Variants in GABRA4 observed in about 807,000 individuals in gnomAD.
GABRA4 encodes the protein gamma-aminobutyric acid type A receptor subunit alpha4.
GABRA4 carries 12 observed loss-of-function variants against 49.7 expected under a neutral mutation model. That is an observed-to-expected ratio of 0.24 (90% CI 0.15 to 0.39). The LOEUF (loss-of-function observed/expected upper bound fraction) is 0.39, where lower values mean the gene tolerates loss of function less well. GABRA4 is among the 10% of genes least tolerant of loss of function. GABRA4 has a pLI of 1.00. For missense variants in GABRA4, 506 were observed against 686.0 expected, an observed-to-expected ratio of 0.74 and a Z score of 2.93; for synonymous variants, 288 against 240.2, an observed-to-expected ratio of 1.20 and a Z score of -1.84.
chr4:46,985,172 T>A (rs569810948), intron 2 of GABRA4, among the ~76,000 whole-genome samples: 1 of 152,156 alleles, frequency 6.6e-6, no homozygotes, highest in South Asian at 2.1e-4. Flanking sequence ...AGATTATATA[T>A]AGCAAGTTCA....
In GABRA4 at chr4:46,927,285, A is replaced by G. The variant is rs952890242; in HGVS notation, c.*940T>C. 1 of 152,476 alleles carries G rather than the reference A, an allele frequency of 6.6e-6. No homozygotes were observed. Among genetic ancestry groups the G allele is most frequent in the Admixed American group, 6.6e-5 (1 of 15,212 alleles). 9.4% of individuals were successfully genotyped at this position (152,476 alleles called of 1,614,324 possible). A position where few individuals can be genotyped will look rare whatever the true frequency, so the allele number is the denominator to read the frequency against. On this transcript the variant is annotated 3_prime_UTR_variant, in exon 9 of 9. Coordinates refer to ENST00000264318, the MANE Select transcript of GABRA4 (RefSeq NM_000809.4). ...TACTGACATCAAAGTGGTTATGTGAACAAATATATTTGTTATCCACTATCA... is the reference window on the plus strand; with the variant it reads ...TACTGACATCAAAGTGGTTATGTGAGCAAATATATTTGTTATCCACTATCA...
chr4:46,963,526 C>T (rs531348684), intron 8 of GABRA4, among the ~76,000 whole-genome samples: 13 of 151,884 alleles, frequency 8.6e-5, no homozygotes, highest in Admixed American at 2.0e-4. Flanking sequence ...GTAAGAAGTG[C>T]CTTCCACCTC....
intron 8 of GABRA4, among the ~76,000 whole-genome samples, chr4:46,931,930 T>C (rs927857313): frequency 6.6e-6 from 1 of 152,154 alleles, no homozygotes; most frequent in Non-Finnish European, 1.5e-5. Context: ...ATCAACAGAA[T>C]CCACAGTTGA....
chr4:46,969,301 T>C (rs1722870430), intron 7 of GABRA4, among the ~76,000 whole-genome samples: 1 of 151,566 alleles, frequency 6.6e-6, no homozygotes, highest in Admixed American at 6.6e-5. Flanking sequence ...TAAAATATAA[T>C]AGAAACTTCT....
chr4:46,965,236 A>T lies in GABRA4; in HGVS notation c.875-7T>A. The T allele has an allele frequency of 7.0e-7, 1 of 1,430,956 alleles. No homozygotes were observed. The highest frequency in any genetic ancestry group is 1.7e-5 in the South Asian group (1 of 58,558). 88.6% of individuals were successfully genotyped at this position (1,430,956 alleles called of 1,614,324 possible). On this transcript the variant is annotated splice_region_variant and splice_polypyrimidine_tract_variant and intron_variant, in intron 7 of 8. Transcript: ENST00000264318. ...GTGAGGACAGTTGTTATTCCTTCAA[A>T]GCAAAAGAGCAGAGAGACAAAACAC...
intron 3 of GABRA4, 24 bp from the exon 4 acceptor site, chr4:46,977,654 A>G (rs758681538): frequency 5.2e-6 from 8 of 1,529,924 alleles, no homozygotes; most frequent in Non-Finnish European, 5.4e-6. Flanking sequence ...TTTGGAACAT[A>G]TTTAAGTTGC....
chr4:46,992,009 T>C (rs146286697), intron 2 of GABRA4, among the ~76,000 whole-genome samples: 91 of 152,286 alleles, frequency 6.0e-4, no homozygotes, highest in Middle Eastern at 3.4e-3. Flanking sequence ...AATGGGACCC[T>C]AGCAAGTCAT....
At chr4:46,965,980 C>T (rs1161215225) in intron 7 of GABRA4, among the ~76,000 whole-genome samples, 1 of 147,878 alleles carries the variant, frequency 6.8e-6, no homozygotes, top group African/African-American at 2.4e-5. Context: ...AACAGAAGTA[C>T]TTCTCCTCCA....
chr4:46,940,910 CT>C, intron 8 of GABRA4, among the ~76,000 whole-genome samples: 1 of 152,146 alleles, frequency 6.6e-6, no homozygotes, highest in African/African-American at 2.4e-5. Context: ...CAAAGTGAAA[CT>C]TTTTTTAACT....
intron 8 of GABRA4, among the ~76,000 whole-genome samples, chr4:46,930,845 A>C (rs1721405149): frequency 3.3e-5 from 5 of 152,072 alleles, no homozygotes; most frequent in Middle Eastern, 3.4e-3. Context: ...GCAAAAAAAA[A>C]ACCTGTTGTT....
chr4:46,936,398 T>G (rs1721604854), intron 8 of GABRA4, among the ~76,000 whole-genome samples: 1 of 152,158 alleles, frequency 6.6e-6, no homozygotes, highest in African/African-American at 2.4e-5. Context: ...TACGGGCATG[T>G]GCCACCACAC....
At position 46,927,104 on chromosome 4, in the gene GABRA4, T is replaced by C. The variant is rs538227369; in HGVS notation, c.*1121A>G. 1.5e-4 allele frequency: 23 copies of C among 152,112 alleles called. No homozygotes were observed. Among genetic ancestry groups the C allele is most frequent in the Admixed American group, 1.2e-3 (19 of 15,250 alleles). The allele number at this position is 152,112 out of a possible 1,614,324, so 9.4% of individuals were successfully genotyped here. A position where few individuals can be genotyped will look rare whatever the true frequency, so the allele number is the denominator to read the frequency against. ...ATGTCTGATGATTCTGTGATTCTGA[T>C]CAAATTCTACTCTGTGACTCTGATC... On this transcript the variant is annotated 3_prime_UTR_variant, in exon 9 of 9. Coordinates refer to ENST00000264318, the MANE Select transcript of GABRA4 (RefSeq NM_000809.4).
rs147777852 is a variant in GABRA4 at position 46,926,951 on chromosome 4, A to T, written c.*1274T>A. 1.1e-4 allele frequency: 17 copies of T among 151,972 alleles called. No homozygotes were observed. Among genetic ancestry groups the T allele is most frequent in the Admixed American group, 2.0e-4 (3 of 15,200 alleles). 9.4% of individuals were successfully genotyped at this position (151,972 alleles called of 1,614,324 possible). A position where few individuals can be genotyped will look rare whatever the true frequency, so the allele number is the denominator to read the frequency against. On this transcript the variant is annotated 3_prime_UTR_variant, in exon 9 of 9. Transcript: ENST00000264318. ...TAAACCTTAAAAAAACTCCCAAAAA[A>T]ACCAACATGATGACTGCCCAGAATT...
At chr4:46,950,500 C>T (rs576161424) in intron 8 of GABRA4, among the ~76,000 whole-genome samples, 2 of 152,024 alleles carry the variant, frequency 1.3e-5, no homozygotes, top group East Asian at 3.9e-4. Flanking sequence ...CTCACCTTTA[C>T]TTCAAAAGAC....
chr4:46,945,256 A>C (rs1180502561), intron 8 of GABRA4, among the ~76,000 whole-genome samples: 1 of 152,078 alleles, frequency 6.6e-6, no homozygotes, highest in Non-Finnish European at 1.5e-5. Flanking sequence ...CTCCTGTCTC[A>C]TACATCTGCC....
intron 8 of GABRA4, among the ~76,000 whole-genome samples, chr4:46,949,004 G>A (rs530071257): frequency 6.6e-6 from 1 of 152,076 alleles, no homozygotes; most frequent in Non-Finnish European, 1.5e-5. Context: ...TTTAAAGACA[G>A]TATTTAACCG....
At chr4:46,962,813 GC>G (rs775634919) in intron 8 of GABRA4, among the ~76,000 whole-genome samples, 6 of 151,610 alleles carry the variant, frequency 4.0e-5, no homozygotes, top group Non-Finnish European at 7.4e-5. Context: ...ACACACCTAA[GC>G]AAACCCATTT....
chr4:46,943,688 G>T (rs2109350335), intron 8 of GABRA4, among the ~76,000 whole-genome samples: 1 of 152,138 alleles, frequency 6.6e-6, no homozygotes, highest in African/African-American at 2.4e-5. Context: ...ATCAGCATCT[G>T]GTCCATATTC....
chr4:46,934,802 A>T (rs1721553522), intron 8 of GABRA4, among the ~76,000 whole-genome samples: 1 of 152,158 alleles, frequency 6.6e-6, no homozygotes, highest in Non-Finnish European at 1.5e-5. Flanking sequence ...TTTGTATGGT[A>T]GACACATGGC....
Sources: gnomAD v4.1 joint callset for allele counts (sites outside exome capture counted in the v4.1 genomes callset) on GRCh38, gnomAD v4.1.1 for gene constraint, MANE v1.5 for transcripts, NCBI Gene and HGNC (gene_info 2026-07-23, HGNC 2026-07-21) for gene names.